TET3: variants seen among roughly 807,000 people sequenced by gnomAD.
TET3 encodes tet methylcytosine dioxygenase 3.
TET3 carries 19 observed loss-of-function variants against 141.4 expected under a neutral mutation model. The observed-to-expected ratio is 0.13, with a 90% CI of 0.09 to 0.20. TET3 has a LOEUF of 0.20. TET3 is among the 10% of genes least tolerant of loss of function. The pLI is 1.00. For synonymous variants in TET3, 1,043 were observed against 980.9 expected, an observed-to-expected ratio of 1.06 and a Z score of -1.18; for missense variants, 1,874 against 2,356.9, an observed-to-expected ratio of 0.80 and a Z score of 4.24.
At chr2:74,126,407 C>T in the TET3 span, among the ~76,000 whole-genome samples, 1 of 152,170 alleles carries the variant, frequency 6.6e-6, no homozygotes, top group South Asian at 2.1e-4. Flanking sequence ...TGCCTCGTGG[C>T]AGTAGCTACA....
intron 4 of TET3, among the ~76,000 whole-genome samples, chr2:74,062,361 G>A (rs943330831): frequency 3.3e-5 from 5 of 152,238 alleles, no homozygotes; most frequent in Admixed American, 1.3e-4. Context: ...AGAGGCTGGC[G>A]ATGAACACTA....
Position 74,093,052 on chromosome 2 carries a change from T to G in TET3, c.3129+61T>G. 1.4e-6 allele frequency: 2 copies of G among 1,473,276 alleles called. No homozygotes were observed. The highest frequency in any genetic ancestry group is 1.9e-6 in the Non-Finnish European group (2 of 1,076,862). The allele number at this position is 1,473,276 out of a possible 1,614,324, so 91.3% of individuals were successfully genotyped here. Reference sequence around the variant, plus strand: ...ACCGTCCACATCTCTGCTCAGGCTCTGAAGGTGGGAAGTGGGAGAGTGGGC... The same window carrying G: ...ACCGTCCACATCTCTGCTCAGGCTCGGAAGGTGGGAAGTGGGAGAGTGGGC... On this transcript the variant is annotated intron_variant, in intron 9 of 11. Coordinates refer to ENST00000409262, the MANE Select transcript of TET3 (RefSeq NM_001287491.2). The surrounding 1 kb of genome is among the most constrained non-coding windows in gnomAD (Gnocchi z 4.2).
In TET3 at chr2:74,046,345, A is replaced by C; in HGVS notation, c.428A>C (p.His143Pro). Reference sequence around the variant, plus strand: ...CAGATGGACTCAGGGCCAGTGTACCATGGGGACTCACGGCAGCTAAGCGCC... The same window carrying C: ...CAGATGGACTCAGGGCCAGTGTACCCTGGGGACTCACGGCAGCTAAGCGCC... ...PGQMDSGPVY[H>P]GDSRQLSASG... is the part of the protein sequence containing the mutation. The change falls in exon 4 of 12, where the codon CAT (histidine) becomes CCT (proline). Residue 143 changes from histidine to proline, a missense_variant. Around this residue, in one of 10 missense-constraint regions of TET3, gnomAD observed 366 missense variants for 487.0 expected, o/e 0.75. Transcript: ENST00000409262. This position sits in a 1 kb window ranked among gnomAD's most constrained non-coding sequence, Gnocchi z 4.3. The C allele has an allele frequency of 6.5e-7, 1 of 1,527,576 alleles. No homozygotes were observed. The highest frequency in any genetic ancestry group is 8.8e-7 in the Non-Finnish European group (1 of 1,141,188). 94.6% of individuals were successfully genotyped at this position (1,527,576 alleles called of 1,614,324 possible). A position where few individuals can be genotyped will look rare whatever the true frequency, so the allele number is the denominator to read the frequency against.
In TET3 at chr2:74,087,759, AG is replaced by A; in HGVS notation, c.2680-68del. ...CCTGCACCCTGGGTCTGTGTGACAA[AG>A]GGAGGGGTGGCACCATGCAGAGGAG... is the stretch of plus-strand genomic sequence containing the variant. On this transcript the variant is annotated intron_variant, in intron 6 of 11. Transcript: ENST00000409262. The surrounding 1 kb of genome is among the most constrained non-coding windows in gnomAD (Gnocchi z 4.3). 3 of 1,437,266 alleles carry A rather than the reference AG, an allele frequency of 2.1e-6. No homozygotes were observed. The South Asian group carries it at 4.2e-5, about 20-fold the overall frequency. The allele number at this position is 1,437,266 out of a possible 1,614,324, so 89.0% of individuals were successfully genotyped here.
intron 4 of TET3, among the ~76,000 whole-genome samples, chr2:74,050,158 G>A (rs1573790672): frequency 6.6e-6 from 1 of 152,254 alleles, no homozygotes; most frequent in South Asian, 2.1e-4. Context: ...TTAATTATAT[G>A]GATATTATGT....
At chr2:74,011,951 T>G (rs914041498) in intron 3 of TET3, among the ~76,000 whole-genome samples, 1 of 152,132 alleles carries the variant, frequency 6.6e-6, no homozygotes. Context: ...TTAGTCATTT[T>G]TTTGTTTGTT....
the TET3 span, chr2:74,134,411 A>G: frequency 3.6e-6 from 1 of 280,636 alleles, no homozygotes; most frequent in Admixed American, 4.4e-5. Context: ...AAATTACAAA[A>G]CGGGGGCACA....
intron 4 of TET3, among the ~76,000 whole-genome samples, chr2:74,063,888 G>A (rs13006301): frequency 0.34 from 48,184 of 140,894 alleles, 9,189 homozygotes; most frequent in African/African-American, 0.54. Context: ...GCCCATCTCT[G>A]CAGACAAAAA....
chr2:74,047,525 C>A lies in TET3; in HGVS notation c.1608C>A (p.Arg536=). The A allele has an allele frequency of 6.2e-7, 1 of 1,613,532 alleles. No homozygotes were observed. Among genetic ancestry groups the A allele is most frequent in the Non-Finnish European group, 8.5e-7 (1 of 1,179,896 alleles). ...TGCAGCAGCACCTCCACCACAAGCG[C>A]AGCCTCTTCCTAGAACAGGTGCACG... ...TALQQHLHHK[R]SLFLEQVHDT... is the part of the protein sequence containing the mutation. Residue 536 remains arginine (R), a synonymous_variant, in exon 4 of 12, where the codon CGC becomes CGA. Coordinates refer to ENST00000409262, the MANE Select transcript of TET3 (RefSeq NM_001287491.2).
At chr2:74,098,371 ATATT>A (rs1234253348) in intron 10 of TET3, among the ~76,000 whole-genome samples, 1 of 152,228 alleles carries the variant, frequency 6.6e-6, no homozygotes, top group African/African-American at 2.4e-5. Flanking sequence ...GCACAGGAAA[ATATT>A]TATACTATGT....
chr2:74,073,777 T>C (rs1221742932), intron 5 of TET3, 138 bp downstream of exon 5: 1 of 640,752 alleles, frequency 1.6e-6, no homozygotes, highest in Non-Finnish European at 2.5e-6. Flanking sequence ...TAGGGAAGGT[T>C]TACTGTGGGA....
chr2:74,115,514 A>T, the TET3 span, among the ~76,000 whole-genome samples: 1 of 152,198 alleles, frequency 6.6e-6, no homozygotes, highest in Admixed American at 6.5e-5. Flanking sequence ...CCCAGACTTC[A>T]CCACTGTATG....
At chr2:74,099,047 T>C (rs1247093082) in intron 10 of TET3, among the ~76,000 whole-genome samples, 2 of 152,180 alleles carry the variant, frequency 1.3e-5, no homozygotes, top group African/African-American at 2.4e-5. Context: ...CTTAGGATCA[T>C]AGGAGATAAT....
chr2:74,122,513 T>TATA, the TET3 span: 512 of 53,142 alleles, frequency 9.6e-3, no homozygotes, highest in East Asian at 0.04. Context: ...ATATATATAT[T>TATA]TTTTTTTTTT....
intron 4 of TET3, among the ~76,000 whole-genome samples, chr2:74,063,864 C>T (rs1688729707): frequency 6.9e-6 from 1 of 144,688 alleles, no homozygotes; most frequent in Non-Finnish European, 1.5e-5. Flanking sequence ...TTTGAGACCA[C>T]CCTGGGCAAC....
the TET3 span, chr2:74,120,983 A>C: frequency 6.6e-6 from 1 of 152,176 alleles, no homozygotes; most frequent in Non-Finnish European, 1.5e-5. Context: ...AGGAGAGGAA[A>C]TCTCACTTTC....
At chr2:74,096,571 A>G (rs1023730507) in intron 10 of TET3, among the ~76,000 whole-genome samples, 1 of 151,764 alleles carries the variant, frequency 6.6e-6, no homozygotes, top group Non-Finnish European at 1.5e-5. Context: ...GTTTGTGACC[A>G]GCCTGGTCAA....
chr2:74,084,278 A>C (rs1689991746), intron 6 of TET3, among the ~76,000 whole-genome samples: 2 of 152,230 alleles, frequency 1.3e-5, no homozygotes, highest in Non-Finnish European at 2.9e-5. Context: ...AAGTCATAAA[A>C]GGATAAATAC....
intron 2 of TET3, among the ~76,000 whole-genome samples, chr2:73,989,253 G>A (rs981098408): frequency 5.3e-5 from 8 of 152,068 alleles, no homozygotes; most frequent in African/African-American, 1.9e-4. Flanking sequence ...GGCTGTTTTG[G>A]CTGTGACTGT....
Sources: allele counts gnomAD v4.1 joint callset (sites outside exome capture counted in the v4.1 genomes callset), GRCh38; gene constraint gnomAD v4.1.1; regional missense constraint gnomAD v4.1.1; non-coding constraint Gnocchi (gnomAD v3.1); transcripts MANE v1.5; gene names NCBI Gene and HGNC (gene_info 2026-07-23, HGNC 2026-07-21).